SYNJ1: variants seen among roughly 807,000 people sequenced by gnomAD.
SYNJ1 encodes the protein synaptojanin 1.
A neutral mutation model predicts 168.2 loss-of-function variants in SYNJ1; 78 were observed. That is an observed-to-expected ratio of 0.46 (90% CI 0.39 to 0.56). The LOEUF (loss-of-function observed/expected upper bound fraction) is 0.56. SYNJ1 is among the 20% of genes least tolerant of loss of function. The pLI is 0.00. For synonymous variants in SYNJ1, 539 were observed against 548.6 expected, an observed-to-expected ratio of 0.98 and a Z score of 0.24; for missense variants, 1,303 against 1,597.6, an observed-to-expected ratio of 0.82 and a Z score of 3.14.
At chr21:32,696,533 A>C (rs2042219399) in intron 4 of SYNJ1, among the ~76,000 whole-genome samples, 2 of 152,214 alleles carry the variant, frequency 1.3e-5, no homozygotes, top group African/African-American at 2.4e-5. Flanking sequence ...ACCACTAAGG[A>C]AAATACATTG....
chr21:32,661,831 T>C (rs2040715374), intron 18 of SYNJ1, among the ~76,000 whole-genome samples: 3 of 151,970 alleles, frequency 2.0e-5, no homozygotes, highest in African/African-American at 7.3e-5. Flanking sequence ...TTCCAGGCAC[T>C]CCCCGAGAGT....
intron 2 of SYNJ1, among the ~76,000 whole-genome samples, chr21:32,720,995 G>A (rs988670523): frequency 5.3e-5 from 8 of 152,140 alleles, no homozygotes; most frequent in African/African-American, 1.9e-4. Context: ...CTTTGTGTAT[G>A]TGTGTGTAAA....
At position 32,726,800 on chromosome 21, in the gene SYNJ1, C is replaced by A. The variant is rs770096593; in HGVS notation, c.96G>T (p.Met32Ile). ...VETRHKEECL[M>I]FESGAVAVLS... is the part of the protein sequence containing the mutation. ...GCACAGCGACAGCCCCAGACTCGAA[C>A]ATGAGACATTCTTCCTTATGCCTAG... is the stretch of plus-strand genomic sequence containing the variant. Residue 32 changes from methionine to isoleucine, a missense_variant, in exon 2 of 33, where the codon ATG becomes ATT. Physicochemically the swap from Met to Ile is conservative, Grantham distance 10 (BLOSUM62 1). Transcript: ENST00000674351. The A allele has an allele frequency of 1.1e-5, 18 of 1,614,190 alleles. No individual in the cohort carries two copies. In the East Asian group the frequency reaches 4.0e-4, roughly 36 times the overall value.
chr21:32,631,632 G>C lies in SYNJ1; in HGVS notation c.*173C>G. On this transcript the variant is annotated 3_prime_UTR_variant, in exon 33 of 33. Coordinates refer to ENST00000674351, the MANE Select transcript of SYNJ1 (RefSeq NM_203446.3). ...TACAGAACTCAAAACATTACTTTGCGTTGCAGAAGGCAACTGAATCAACCT... is the reference window on the plus strand; with the variant it reads ...TACAGAACTCAAAACATTACTTTGCCTTGCAGAAGGCAACTGAATCAACCT... 1 of 1,612,646 alleles carries C rather than the reference G, an allele frequency of 6.2e-7. No homozygotes were observed. The highest frequency in any genetic ancestry group is 1.1e-5 in the South Asian group (1 of 90,906).
chr21:32,657,402 C>A (rs938514549), intron 19 of SYNJ1, among the ~76,000 whole-genome samples: 2 of 152,118 alleles, frequency 1.3e-5, no homozygotes, highest in Non-Finnish European at 2.9e-5. Context: ...ATTCAAGAGA[C>A]AAGTGGCAGT....
At chr21:32,708,246 G>T (rs911982353) in intron 2 of SYNJ1, among the ~76,000 whole-genome samples, 1 of 152,162 alleles carries the variant, frequency 6.6e-6, no homozygotes, top group Non-Finnish European at 1.5e-5. Context: ...GAGCTCAGAG[G>T]AAACAAACTG....
At chr21:32,646,245 G>C (rs2040063191) in intron 24 of SYNJ1, 148 bp downstream of exon 24, 1 of 761,498 alleles carries the variant, frequency 1.3e-6, no homozygotes, top group Non-Finnish European at 2.2e-6. Flanking sequence ...TTTCCATTGA[G>C]AGCTTATCAT....
chr21:32,697,954 C>T (rs1357204139), intron 4 of SYNJ1, among the ~76,000 whole-genome samples: 1 of 152,184 alleles, frequency 6.6e-6, no homozygotes, highest in Non-Finnish European at 1.5e-5. Flanking sequence ...AATGTAAGGA[C>T]AGCTGCAACA....
chr21:32,702,781 ACTCAC>A lies in SYNJ1; in HGVS notation c.125-739_125-735del, dbSNP rs368652167. Among the ~76,000 whole-genome samples, 11 of 151,894 alleles carry A rather than the reference ACTCAC, an allele frequency of 7.2e-5. 1 individual carries two copies. Among genetic ancestry groups the A allele is most frequent in the African/African-American group, 2.7e-4 (11 of 41,416 alleles). ...TTTTCCATTATCTACACCACACTCA[ACTCAC>A]CTCCTGGCTGACTGGTTCATACCTT... On this transcript the variant is annotated intron_variant, in intron 2 of 32. Coordinates refer to ENST00000674351, the MANE Select transcript of SYNJ1 (RefSeq NM_203446.3).
intron 2 of SYNJ1, among the ~76,000 whole-genome samples, chr21:32,715,505 A>C (rs2042991595): frequency 6.6e-6 from 1 of 152,020 alleles, no homozygotes; most frequent in African/African-American, 2.4e-5. Context: ...AAGAAGATTC[A>C]TTCTACTTAT....
intron 22 of SYNJ1, among the ~76,000 whole-genome samples, chr21:32,650,708 C>T (rs1286139603): frequency 6.6e-6 from 1 of 152,176 alleles, no homozygotes; most frequent in African/African-American, 2.4e-5. Flanking sequence ...TAATTGTTCC[C>T]ACGTGAAACA....
In SYNJ1 at chr21:32,711,477, C is replaced by T. The variant is rs185971077; in HGVS notation, c.125-9430G>A. 5.2e-3 allele frequency among the ~76,000 whole-genome samples: 789 copies of T among 152,030 alleles called. 3 individuals carry two copies. Among genetic ancestry groups the T allele is most frequent in the Non-Finnish European group, 8.1e-3 (553 of 67,980 alleles). On this transcript the variant is annotated intron_variant, in intron 2 of 32. Transcript: ENST00000674351. ...CCTCCAGAGTAGCTGGGACTACAGGCGCGCGCCACCATGCCCAGCTAATTT... is the reference window on the plus strand; with the variant it reads ...CCTCCAGAGTAGCTGGGACTACAGGTGCGCGCCACCATGCCCAGCTAATTT...
chr21:32,683,524 CACTA>C (rs979688933), intron 10 of SYNJ1, among the ~76,000 whole-genome samples: 6 of 152,026 alleles, frequency 3.9e-5, no homozygotes, highest in African/African-American at 1.4e-4. Context: ...TTTTCATTCT[CACTA>C]ACTATGGCAT....
In SYNJ1 at chr21:32,630,673, G is replaced by A. The variant is rs183623243; in HGVS notation, c.*1132C>T. On this transcript the variant is annotated 3_prime_UTR_variant, in exon 33 of 33. Transcript: ENST00000674351. ...TGGAAATGTCAGCTGAAAGTTGGGTGGGCTTTTTGAGATTCTTCAGAAGAC... is the reference window on the plus strand; with the variant it reads ...TGGAAATGTCAGCTGAAAGTTGGGTAGGCTTTTTGAGATTCTTCAGAAGAC... The A allele has an allele frequency of 8.2e-4, 150 of 183,570 alleles. No homozygotes were observed. In the South Asian group the frequency reaches 0.01, roughly 13 times the overall value. 11.4% of individuals were successfully genotyped at this position (183,570 alleles called of 1,614,324 possible).
intron 1 of SYNJ1, 194 bp downstream of exon 1, chr21:32,727,752 C>T: frequency 7.9e-7 from 1 of 1,262,708 alleles, no homozygotes; most frequent in Non-Finnish European, 1.0e-6. Context: ...AGCCCCCAGC[C>T]TGACGCGGCA....
chr21:32,700,365 G>T (rs141111506), intron 3 of SYNJ1, among the ~76,000 whole-genome samples: 1 of 152,062 alleles, frequency 6.6e-6, no homozygotes, highest in Non-Finnish European at 1.5e-5. Context: ...AAACTTTATC[G>T]AATAATTGGC....
intron 30 of SYNJ1, 123 bp from the exon 31 acceptor site, chr21:32,639,248 T>C (rs1041860337): frequency 1.1e-6 from 1 of 896,754 alleles, no homozygotes; most frequent in African/African-American, 1.7e-5. Flanking sequence ...GCCTCATTTC[T>C]TGTGGTATAA....
chr21:32,708,015 C>T (rs2042677879), intron 2 of SYNJ1, among the ~76,000 whole-genome samples: 1 of 151,800 alleles, frequency 6.6e-6, no homozygotes, highest in African/African-American at 2.4e-5. Flanking sequence ...GACTCCGTCT[C>T]AAAAAAGAGG....
intron 12 of SYNJ1, among the ~76,000 whole-genome samples, chr21:32,677,191 G>A (rs1224555934): frequency 2.0e-5 from 3 of 152,198 alleles, no homozygotes; most frequent in Non-Finnish European, 2.9e-5. Context: ...TTTGAGGTGT[G>A]TGTGCATATG....
Sources: gnomAD v4.1 joint callset for allele counts (sites outside exome capture counted in the v4.1 genomes callset) on GRCh38, gnomAD v4.1.1 for gene constraint, MANE v1.5 for transcripts, NCBI Gene and HGNC (gene_info 2026-07-23, HGNC 2026-07-21) for gene names.